The following TMEM132C variants were observed in gnomAD, a reference collection of about 807,000 sequenced individuals.
TMEM132C encodes protein phosphatase 1, regulatory subunit 152.
TMEM132C carries 29 observed loss-of-function variants against 61.4 expected under a neutral mutation model. The observed-to-expected ratio is 0.47, with a 90% CI of 0.35 to 0.64. The LOEUF (loss-of-function observed/expected upper bound fraction) is 0.64. Ranked by LOEUF, TMEM132C falls within the 30% of genes least tolerant of loss-of-function variation. TMEM132C has a pLI of 0.00. For missense variants in TMEM132C, 1,408 were observed against 1,476.9 expected (o/e 0.95, Z 0.76); for synonymous variants, 656 against 633.1 (o/e 1.04, Z -0.54).
chr12:128,341,411 G>T (rs1325321760), intron 1 of TMEM132C, among the ~76,000 whole-genome samples: 2 of 152,172 alleles, frequency 1.3e-5, no homozygotes, highest in African/African-American at 4.8e-5. Flanking sequence ...AGTAATTACT[G>T]TCATTGCTAA....
intron 1 of TMEM132C, among the ~76,000 whole-genome samples, chr12:128,334,292 G>A (rs1376281681): frequency 2.0e-5 from 3 of 152,078 alleles, no homozygotes; most frequent in Non-Finnish European, 4.4e-5. Context: ...CATCTCCACA[G>A]ACCGCCACCG....
chr12:128,518,535 C>T (rs927786850), intron 2 of TMEM132C, among the ~76,000 whole-genome samples: 2 of 152,174 alleles, frequency 1.3e-5, no homozygotes, highest in Non-Finnish European at 2.9e-5. Context: ...CATGATGAGA[C>T]CTTTCCTCCT....
In TMEM132C at chr12:128,697,361, C is replaced by G. The variant is rs201749493; in HGVS notation, c.2067C>G (p.Ser689Arg). 2.9e-4 allele frequency: 456 copies of G among 1,551,028 alleles called. 1 individual carries two copies. Among genetic ancestry groups the G allele is most frequent in the Non-Finnish European group, 3.8e-4 (436 of 1,146,656 alleles). ...CCCTTTACCCCAACGCAGAAAACAG[C>G]AAGGCCGTAACAGCTGTGGTCACAG... ...SVALYPNAEN[S>R]KAVTAVVTAE... Residue 689 changes from serine to arginine, a missense_variant, in exon 8 of 9, where the codon AGC becomes AGG. Ser to Arg is a moderately radical substitution (Grantham distance 110). Transcript: ENST00000435159.
chr12:128,584,375 C>A (rs1875461850), intron 3 of TMEM132C, among the ~76,000 whole-genome samples: 1 of 152,198 alleles, frequency 6.6e-6, no homozygotes, highest in Admixed American at 6.5e-5. Context: ...ATTCTGTCAG[C>A]TGGTAAAGTT....
At chr12:128,619,290 T>C (rs1953935308) in intron 4 of TMEM132C, among the ~76,000 whole-genome samples, 1 of 152,202 alleles carries the variant, frequency 6.6e-6, no homozygotes, top group African/African-American at 2.4e-5. Context: ...AGTTCTTGCC[T>C]TAAAATCAAG....
At chr12:128,546,753 G>C (rs1226051079) in intron 3 of TMEM132C, among the ~76,000 whole-genome samples, 1 of 152,196 alleles carries the variant, frequency 6.6e-6, no homozygotes, top group African/African-American at 2.4e-5. Context: ...TCACTTATAA[G>C]GGCCATTGTG....
intron 1 of TMEM132C, among the ~76,000 whole-genome samples, chr12:128,330,668 C>A (rs570971072): frequency 9.8e-5 from 15 of 152,322 alleles, no homozygotes; most frequent in African/African-American, 3.6e-4. Context: ...CCTCTAAACT[C>A]TTTTCCCTTC....
intron 1 of TMEM132C, among the ~76,000 whole-genome samples, chr12:128,368,226 G>C (rs1441964837): frequency 1.3e-5 from 2 of 152,228 alleles, no homozygotes; most frequent in Non-Finnish European, 2.9e-5. Context: ...GCAGCTTGCA[G>C]CTCAGGACTA....
intron 1 of TMEM132C, among the ~76,000 whole-genome samples, chr12:128,395,197 AAT>A (rs1250620709): frequency 6.7e-6 from 1 of 150,292 alleles, no homozygotes; most frequent in Non-Finnish European, 1.5e-5. Flanking sequence ...TATTTAATTA[AAT>A]ATATAGTTCA....
rs766865185 is a variant in TMEM132C, at chr12:128,415,499, G to C, written c.853G>C (p.Glu285Gln). The change falls in exon 2 of 9, where the codon GAG (glutamate) becomes CAG (glutamine). Residue 285 changes from glutamate to glutamine, a missense_variant. Transcript: ENST00000435159. The surrounding 1 kb of genome is among the most constrained non-coding windows in gnomAD (Gnocchi z 5.8). ...GGCCCAGGACAGCGCCCAGCTCAGC[G>C]AGCTGCGTTTGGATGGTAACGTGGT... ...YRAQDSAQLS[E>Q]LRLDGNVVIW... 20 of 1,551,574 alleles carry C rather than the reference G, an allele frequency of 1.3e-5. No homozygotes were observed. The highest frequency in any genetic ancestry group is 5.2e-6 in the Non-Finnish European group (6 of 1,147,004).
chr12:128,308,952 G>A (rs1432807596), intron 1 of TMEM132C, among the ~76,000 whole-genome samples: 1 of 152,130 alleles, frequency 6.6e-6, no homozygotes, highest in African/African-American at 2.4e-5. Flanking sequence ...TCTTCCAGTG[G>A]TGGTAACAGG....
chr12:128,539,448 C>T (rs555924337), intron 2 of TMEM132C, among the ~76,000 whole-genome samples: 42 of 152,264 alleles, frequency 2.8e-4, no homozygotes, highest in Non-Finnish European at 4.7e-4. Context: ...AACCCTGCCT[C>T]TACTAAAAAT....
intron 1 of TMEM132C, among the ~76,000 whole-genome samples, chr12:128,291,963 C>A (rs777740227): frequency 1.3e-5 from 2 of 152,150 alleles, no homozygotes; most frequent in Non-Finnish European, 2.9e-5. Flanking sequence ...TGGTTTGCAC[C>A]CTGCCCCACG....
chr12:128,694,401 A>G (rs1954741780), intron 6 of TMEM132C, among the ~76,000 whole-genome samples: 1 of 152,208 alleles, frequency 6.6e-6, no homozygotes, highest in South Asian at 2.1e-4. Context: ...TATAAGCTTG[A>G]AATGTTCTGT....
chr12:128,632,601 C>T lies in TMEM132C; in HGVS notation c.1305+16266C>T, dbSNP rs115574505. ...AACAGGAGTAATTTTTTTCCGACTA[C>T]GAAAATGGGAAGATAACAGAGTAGG... On this transcript the variant is annotated intron_variant, in intron 4 of 8. Coordinates refer to ENST00000435159, the MANE Select transcript of TMEM132C (RefSeq NM_001136103.3). Among the ~76,000 whole-genome samples, 209 of 152,228 alleles carry T rather than the reference C, an allele frequency of 1.4e-3. 1 individual carries two copies. Among genetic ancestry groups the T allele is most frequent in the African/African-American group, 4.8e-3 (200 of 41,540 alleles).
intron 3 of TMEM132C, among the ~76,000 whole-genome samples, chr12:128,600,351 G>A (rs1272369519): frequency 1.1e-4 from 16 of 152,186 alleles, no homozygotes; most frequent in Non-Finnish European, 4.4e-5. Flanking sequence ...GCTGCCATGT[G>A]AAGGACATGT....
intron 3 of TMEM132C, among the ~76,000 whole-genome samples, chr12:128,593,629 G>A (rs1402971328): frequency 6.6e-6 from 1 of 152,210 alleles, no homozygotes; most frequent in African/African-American, 2.4e-5. Context: ...CAGGAGGCCG[G>A]TGCCTACTTT....
At chr12:128,424,046 C>CAAAAA (rs144980387) in intron 2 of TMEM132C, among the ~76,000 whole-genome samples, 1 of 72,744 alleles carries the variant, frequency 1.4e-5, no homozygotes, top group Non-Finnish European at 2.3e-5. Context: ...GACTCTGTCT[C>CAAAAA]AAAAAAAAAA....
intron 2 of TMEM132C, among the ~76,000 whole-genome samples, chr12:128,465,388 C>T (rs780549271): frequency 5.3e-5 from 8 of 151,946 alleles, no homozygotes; most frequent in African/African-American, 7.3e-5. Context: ...TTAGTAGAGA[C>T]GGGGTTTTTG....
Sources: gnomAD v4.1 joint callset for allele counts (sites outside exome capture counted in the v4.1 genomes callset) on GRCh38, gnomAD v4.1.1 for gene constraint, Gnocchi (gnomAD v3.1) non-coding constraint, MANE v1.5 for transcripts, NCBI Gene and HGNC (gene_info 2026-07-23, HGNC 2026-07-21) for gene names.